The following EPHA5 variants were observed in gnomAD, a reference collection of about 807,000 sequenced individuals.
The protein encoded by EPHA5 is ephrin type-A receptor 5.
Under a neutral mutation model 105.0 loss-of-function variants are expected in EPHA5, and 60 were observed. The observed-to-expected ratio is 0.57, with a 90% CI of 0.46 to 0.71. The LOEUF is 0.71. Ranked by LOEUF, EPHA5 falls within the 30% of genes least tolerant of loss-of-function variation. The pLI is 0.00. For missense variants in EPHA5, 1,218 were observed against 1,274.7 expected, an observed-to-expected ratio of 0.96 and a Z score of 0.68; for synonymous variants, 513 against 449.1, an observed-to-expected ratio of 1.14 and a Z score of -1.80.
chr4:65,397,904 C>T (rs1405903548), intron 8 of EPHA5, among the ~76,000 whole-genome samples: 3 of 152,112 alleles, frequency 2.0e-5, no homozygotes, highest in African/African-American at 7.2e-5. Flanking sequence ...AGAGGGGGGA[C>T]TGATGGCAGT....
chr4:65,395,871 C>T (rs1335353133), intron 8 of EPHA5, among the ~76,000 whole-genome samples: 3 of 152,216 alleles, frequency 2.0e-5, no homozygotes, highest in African/African-American at 7.2e-5. Context: ...GGTGGCATGT[C>T]TGGAATGACC....
chr4:65,356,546 C>A (rs1293396619), intron 11 of EPHA5, among the ~76,000 whole-genome samples: 1 of 151,460 alleles, frequency 6.6e-6, no homozygotes, highest in Non-Finnish European at 1.5e-5. Flanking sequence ...CTAGTGTCAT[C>A]TAATTTTAAA....
chr4:65,393,806 C>A (rs528517155), intron 8 of EPHA5, among the ~76,000 whole-genome samples: 1 of 152,134 alleles, frequency 6.6e-6, no homozygotes, highest in South Asian at 2.1e-4. Context: ...CAAATAAATC[C>A]AAGACAACAA....
chr4:65,402,684 T>G (rs1469294170), intron 8 of EPHA5, among the ~76,000 whole-genome samples: 1 of 152,192 alleles, frequency 6.6e-6, no homozygotes, highest in East Asian at 1.9e-4. Context: ...GTTTATTTAA[T>G]TTATTAGAAA....
At chr4:65,463,633 G>A (rs1210461985) in intron 5 of EPHA5, among the ~76,000 whole-genome samples, 1 of 151,990 alleles carries the variant, frequency 6.6e-6, no homozygotes, top group Non-Finnish European at 1.5e-5. Flanking sequence ...CCTTTAACAA[G>A]TACCTCATTT....
chr4:65,436,128 T>C (rs2149074820), intron 5 of EPHA5, among the ~76,000 whole-genome samples: 1 of 152,106 alleles, frequency 6.6e-6, no homozygotes, highest in South Asian at 2.1e-4. Flanking sequence ...TGAGAGTTGC[T>C]TAATTTGACT....
chr4:65,574,629 C>T (rs184581096), intron 3 of EPHA5, among the ~76,000 whole-genome samples: 81 of 78,662 alleles, frequency 1.0e-3, no homozygotes, highest in Admixed American at 1.6e-3. Context: ...TATATATACA[C>T]ATATATATAT....
intron 3 of EPHA5, among the ~76,000 whole-genome samples, chr4:65,546,806 ATT>A (rs1394995464): frequency 6.6e-6 from 1 of 152,102 alleles, no homozygotes; most frequent in Non-Finnish European, 1.5e-5. Flanking sequence ...TTAAATAACC[ATT>A]GAGTTCTCAT....
intron 3 of EPHA5, among the ~76,000 whole-genome samples, chr4:65,582,310 T>G (rs1487624931): frequency 6.6e-6 from 1 of 151,586 alleles, no homozygotes; most frequent in African/African-American, 2.4e-5. Flanking sequence ...AACTATACCT[T>G]GTATAACTTT....
Position 65,669,563 on chromosome 4 carries a change from T to G in EPHA5, c.180A>C (p.Glu60Asp), listed in dbSNP as rs1283610012. ...LRTLLASPSNEVNLLDSRTVM... is the reference protein window; with the variant it reads ...LRTLLASPSNDVNLLDSRTVM... Reference sequence around the variant, plus strand: ...CGGTCCCCACCCCCATCTCCCTACCTTCGTTGCTGGGGCTGGCCAGGAGGG... The same window carrying G: ...CGGTCCCCACCCCCATCTCCCTACCGTCGTTGCTGGGGCTGGCCAGGAGGG... The change falls in exon 1 of 17, where the codon GAA becomes GAC. Residue 60 changes from glutamate to aspartate, a missense_variant and splice_region_variant. By Grantham distance (45) the Glu-to-Asp change is conservative (BLOSUM62 2). This residue lies in a region of EPHA5 where 233 missense variants were observed against 227.5 expected (regional missense o/e 1.02). Coordinates refer to ENST00000613740, the MANE Select transcript of EPHA5 (RefSeq NM_001281766.3). 1.4e-6 allele frequency: 2 copies of G among 1,397,302 alleles called. No homozygotes were observed. The highest frequency in any genetic ancestry group is 2.8e-5 in the Admixed American group (1 of 35,896). 86.6% of individuals were successfully genotyped at this position (1,397,302 alleles called of 1,614,324 possible).
At chr4:65,614,021 T>C (rs1287293998) in intron 2 of EPHA5, among the ~76,000 whole-genome samples, 1 of 151,966 alleles carries the variant, frequency 6.6e-6, no homozygotes, top group African/African-American at 2.4e-5. Flanking sequence ...TTTCTACGAA[T>C]GCCAAGAATT....
chr4:65,519,389 G>A (rs1399254682), intron 3 of EPHA5, among the ~76,000 whole-genome samples: 3 of 151,874 alleles, frequency 2.0e-5, no homozygotes, highest in Non-Finnish European at 4.4e-5. Flanking sequence ...AAAATAATAA[G>A]AGCTATCTAT....
At chr4:65,574,687 T>TATAC (rs1553942786) in intron 3 of EPHA5, among the ~76,000 whole-genome samples, 6,853 of 41,746 alleles carry the variant, frequency 0.16, 872 homozygotes, top group Non-Finnish European at 0.23. Flanking sequence ...TACATATATA[T>TATAC]ACATATATAT....
intron 3 of EPHA5, among the ~76,000 whole-genome samples, chr4:65,591,603 T>A (rs796130305): frequency 2.0e-5 from 3 of 146,592 alleles, no homozygotes; most frequent in East Asian, 3.9e-4. Flanking sequence ...ATTTTAATTT[T>A]ATTTTTTTTA....
intron 5 of EPHA5, among the ~76,000 whole-genome samples, chr4:65,461,605 A>C (rs1728128490): frequency 6.6e-6 from 1 of 152,050 alleles, no homozygotes; most frequent in Non-Finnish European, 1.5e-5. Flanking sequence ...AGATTAATGG[A>C]GGACGTAGAA....
intron 3 of EPHA5, among the ~76,000 whole-genome samples, chr4:65,594,838 G>A (rs894138182): frequency 4.6e-5 from 7 of 152,006 alleles, no homozygotes; most frequent in African/African-American, 1.4e-4. Context: ...AAACTGAATT[G>A]TTTCATGTTT....
intron 3 of EPHA5, among the ~76,000 whole-genome samples, chr4:65,595,590 T>TA (rs1743092298): frequency 6.6e-6 from 1 of 151,348 alleles, no homozygotes; most frequent in Non-Finnish European, 1.5e-5. Flanking sequence ...GATTTTTTTT[T>TA]TTTTTTTTGA....
intron 11 of EPHA5, among the ~76,000 whole-genome samples, chr4:65,357,315 T>A (rs1723396405): frequency 6.6e-6 from 1 of 151,464 alleles, no homozygotes; most frequent in Non-Finnish European, 1.5e-5. Context: ...AAGTTGAGAA[T>A]CAAATTTGTA....
At chr4:65,421,076 G>A (rs1723901120) in intron 5 of EPHA5, among the ~76,000 whole-genome samples, 1 of 152,086 alleles carries the variant, frequency 6.6e-6, no homozygotes, top group East Asian at 1.9e-4. Flanking sequence ...CCAAAGATAT[G>A]ATACACTTTA....
Sources: gnomAD v4.1 joint callset for allele counts (sites outside exome capture counted in the v4.1 genomes callset) on GRCh38, gnomAD v4.1.1 for gene constraint, gnomAD v4.1.1 regional missense constraint, MANE v1.5 for transcripts, NCBI Gene and HGNC (gene_info 2026-07-23, HGNC 2026-07-21) for gene names.